Variants in SOX5 observed in about 807,000 individuals in gnomAD.
The protein encoded by SOX5 is transcription factor SOX-5.
Under a neutral mutation model 92.0 loss-of-function variants are expected in SOX5, and 9 were observed. The observed-to-expected ratio is 0.10, with a 90% confidence interval of 0.06 to 0.17. The LOEUF (loss-of-function observed/expected upper bound fraction) is 0.17. SOX5 is among the 10% of genes least tolerant of loss of function. The pLI is 1.00. For missense variants in SOX5, 642 were observed against 944.5 expected (o/e 0.68, Z 4.20); for synonymous variants, 344 against 336.3 (o/e 1.02, Z -0.25).
intron 3 of SOX5, among the ~76,000 whole-genome samples, chr12:23,836,849 A>G (rs1484152993): frequency 6.6e-6 from 1 of 151,934 alleles, no homozygotes; most frequent in African/African-American, 2.4e-5. Context: ...TATATTTGTG[A>G]GCTTAACATT....
intron 4 of SOX5, among the ~76,000 whole-genome samples, chr12:23,959,505 T>A (rs1210097429): frequency 1.3e-5 from 2 of 150,698 alleles, no homozygotes; most frequent in Non-Finnish European, 1.5e-5. Flanking sequence ...GAAGAGAGAG[T>A]CTTACTAACA....
chr12:24,130,223 C>T (rs1193072939), intron 4 of SOX5, among the ~76,000 whole-genome samples: 1 of 152,094 alleles, frequency 6.6e-6, no homozygotes, highest in Non-Finnish European at 1.5e-5. Flanking sequence ...GAATGAAGGA[C>T]CTAATACATT....
intron 3 of SOX5, among the ~76,000 whole-genome samples, chr12:23,801,053 C>T (rs1044264069): frequency 1.3e-5 from 2 of 152,104 alleles, no homozygotes; most frequent in Non-Finnish European, 2.9e-5. Flanking sequence ...CATTCCTCTT[C>T]GGATGTATTT....
chr12:23,580,765 T>C (rs1037347898), intron 9 of SOX5, among the ~76,000 whole-genome samples: 2 of 152,014 alleles, frequency 1.3e-5, no homozygotes, highest in Non-Finnish European at 2.9e-5. Flanking sequence ...AAAGCTAACA[T>C]CTCAATACCA....
chr12:24,258,282 AAAAC>A lies in SOX5; in HGVS notation c.-77+18930_-77+18933del, dbSNP rs201317761. On this transcript the variant is annotated intron_variant, in intron 3 of 4. Transcript: ENST00000446891. Reference sequence around the variant, plus strand: ...TTAGCCAGTCTCACCTGATTAAAACAAAACAAACAAACAAACAAACAAACAAAGT... The same window carrying A: ...TTAGCCAGTCTCACCTGATTAAAACAAAACAAACAAACAAACAAACAAAGT... 6.8e-3 allele frequency among the ~76,000 whole-genome samples: 1,040 copies of A among 151,880 alleles called. 6 individuals carry two copies. The highest frequency in any genetic ancestry group is 0.016 in the African/African-American group (662 of 41,196).
At chr12:24,127,765 A>T (rs1949252877) in intron 4 of SOX5, among the ~76,000 whole-genome samples, 1 of 151,914 alleles carries the variant, frequency 6.6e-6, no homozygotes, top group Non-Finnish European at 1.5e-5. Flanking sequence ...ATACCACCTC[A>T]CCCCACCTGG....
chr12:24,322,964 A>C (rs1418180954), intron 2 of SOX5, among the ~76,000 whole-genome samples: 1 of 152,050 alleles, frequency 6.6e-6, no homozygotes, highest in Non-Finnish European at 1.5e-5. Flanking sequence ...TGTTACTACT[A>C]TTTTATTAAG....
intron 1 of SOX5, among the ~76,000 whole-genome samples, chr12:24,385,223 C>T (rs1958257018): frequency 6.6e-6 from 1 of 152,196 alleles, no homozygotes; most frequent in South Asian, 2.1e-4. Context: ...GAAGTTTCCA[C>T]TTTACAATGG....
chr12:24,120,856 C>A (rs1175551630), intron 4 of SOX5, among the ~76,000 whole-genome samples: 1 of 152,182 alleles, frequency 6.6e-6, no homozygotes, highest in Non-Finnish European at 1.5e-5. Context: ...AGACATTCAA[C>A]AGTCAGACTT....
intron 4 of SOX5, among the ~76,000 whole-genome samples, chr12:24,149,477 G>T (rs1419884948): frequency 2.6e-5 from 4 of 152,088 alleles, no homozygotes; most frequent in Non-Finnish European, 5.9e-5. Context: ...TAGTCATTAG[G>T]TAAACGTAAA....
At chr12:24,154,022 C>A (rs1310737785) in intron 4 of SOX5, among the ~76,000 whole-genome samples, 2 of 152,038 alleles carry the variant, frequency 1.3e-5, no homozygotes, top group Non-Finnish European at 2.9e-5. Context: ...TCAGACTAAC[C>A]CTTAGTATGC....
intron 3 of SOX5, among the ~76,000 whole-genome samples, chr12:23,824,619 G>C (rs966753270): frequency 6.6e-6 from 1 of 152,048 alleles, no homozygotes; most frequent in African/African-American, 2.4e-5. Context: ...GCAGTCTGCC[G>C]GGAGATCCAC....
At chr12:23,946,013 GATAT>G (rs1380060579) in intron 1 of SOX5, among the ~76,000 whole-genome samples, 1 of 152,068 alleles carries the variant, frequency 6.6e-6, no homozygotes. Context: ...AACAGCACCT[GATAT>G]ATATTTCTTT....
chr12:23,648,451 G>C (rs1466344779), intron 7 of SOX5, among the ~76,000 whole-genome samples: 3 of 152,180 alleles, frequency 2.0e-5, no homozygotes, highest in African/African-American at 7.2e-5. Flanking sequence ...ACTCCAGAAT[G>C]TGACTATATT....
intron 3 of SOX5, among the ~76,000 whole-genome samples, chr12:23,844,675 T>C (rs2096555471): frequency 6.6e-6 from 1 of 152,206 alleles, no homozygotes; most frequent in African/African-American, 2.4e-5. Flanking sequence ...ACTGAAGCAG[T>C]ATAAAAATAA....
At chr12:23,896,045 G>C (rs774513140) in intron 1 of SOX5, 21 bp from the exon 2 acceptor site, 16 of 1,493,822 alleles carry the variant, frequency 1.1e-5, no homozygotes, top group Non-Finnish European at 1.5e-5. Context: ...CAAAAGAGGA[G>C]AAAATAATGA....
intron 1 of SOX5, among the ~76,000 whole-genome samples, chr12:24,458,584 C>T (rs1943279941): frequency 6.6e-6 from 1 of 152,022 alleles, no homozygotes; most frequent in Non-Finnish European, 1.5e-5. Context: ...TTTAATTTTC[C>T]CAAGTGATTC....
chr12:24,200,075 A>G (rs1957369678), intron 4 of SOX5, among the ~76,000 whole-genome samples: 1 of 152,244 alleles, frequency 6.6e-6, no homozygotes, highest in African/African-American at 2.4e-5. Flanking sequence ...AACATCATCA[A>G]AAGACCCACA....
In SOX5 at chr12:24,263,527, C is replaced by CAAAAAAAAAAAA. The variant is rs386375915; in HGVS notation, c.-77+13677_-77+13688dup. 2.5e-4 allele frequency among the ~76,000 whole-genome samples: 16 copies of CAAAAAAAAAAAA among 63,218 alleles called. 1 individual carries two copies. The highest frequency in any genetic ancestry group is 3.3e-4 in the Non-Finnish European group (12 of 36,132). 41.5% of individuals were successfully genotyped at this position (63,218 alleles called of 152,430 possible). A position where few individuals can be genotyped will look rare whatever the true frequency, so the allele number is the denominator to read the frequency against. On this transcript the variant is annotated intron_variant, in intron 3 of 4. Transcript: ENST00000446891. ...TGGGCGACAGAGCGAGACTCCGTCT[C>CAAAAAAAAAAAA]AAAAAAAAAAAAACAAAAAAAAAAA...
Sources: gnomAD v4.1 joint callset for allele counts (sites outside exome capture counted in the v4.1 genomes callset) on GRCh38, gnomAD v4.1.1 for gene constraint, MANE v1.5 for transcripts, NCBI Gene and HGNC (gene_info 2026-07-23, HGNC 2026-07-21) for gene names.